Variants in PCBP3 observed in about 807,000 individuals in gnomAD.
PCBP3 encodes poly(rC) binding protein 3.
Under a neutral mutation model 52.7 loss-of-function variants are expected in PCBP3, and 25 were observed. The observed-to-expected ratio is 0.47, with a 90% CI of 0.35 to 0.66. The LOEUF is 0.66. Among genes scored for constraint, PCBP3 ranks in the 30% least tolerant of loss-of-function variants. The pLI is 0.01. For synonymous variants in PCBP3, 162 were observed against 183.0 expected, an observed-to-expected ratio of 0.89 and a Z score of 0.93; for missense variants, 391 against 490.3, an observed-to-expected ratio of 0.80 and a Z score of 1.91.
chr21:45,740,688 C>T (rs143380243), intron 3 of PCBP3, among the ~76,000 whole-genome samples: 3 of 149,878 alleles, frequency 2.0e-5, no homozygotes, highest in East Asian at 2.0e-4. Flanking sequence ...TGTACACATG[C>T]GTGTGTGTAT....
intron 9 of PCBP3, among the ~76,000 whole-genome samples, chr21:45,906,540 T>A (rs2096211919): frequency 6.6e-6 from 1 of 152,140 alleles, no homozygotes; most frequent in African/African-American, 2.4e-5. Context: ...TTTCGGGTCA[T>A]GTTTTGGTGG....
intron 9 of PCBP3, chr21:45,901,707 A>AAGTCAGAGAG (rs2096054561): frequency 7.6e-6 from 1 of 131,400 alleles, no homozygotes; most frequent in Non-Finnish European, 1.5e-5. Context: ...GAGAGAGAGG[A>AAGTCAGAGAG]AGACAGAGAG....
chr21:45,728,689 A>G (rs1034572950), intron 2 of PCBP3: 4 of 152,126 alleles, frequency 2.6e-5, no homozygotes, highest in African/African-American at 9.7e-5. Context: ...TCACCTGCAA[A>G]GTCATCTCGG....
At chr21:45,774,039 G>A (rs969531721) in intron 4 of PCBP3, among the ~76,000 whole-genome samples, 4 of 152,166 alleles carry the variant, frequency 2.6e-5, no homozygotes, top group African/African-American at 9.7e-5. Context: ...CACTATTGGT[G>A]TGTGGAAATG....
rs1223303393 is a variant in PCBP3 at position 45,942,350 on chromosome 21, C to T, written c.*644C>T. On this transcript the variant is annotated 3_prime_UTR_variant, in exon 18 of 18. Transcript: ENST00000681687. ...AGAGATGCCGCGTGCTGGGAAGGCT[C>T]TTGGGGTCCCCTGAGCGTCTTCCAG... 1.3e-5 allele frequency: 2 copies of T among 152,214 alleles called. No individual in the cohort carries two copies. Among genetic ancestry groups the T allele is most frequent in the Non-Finnish European group, 2.9e-5 (2 of 68,070 alleles). 9.4% of individuals were successfully genotyped at this position (152,214 alleles called of 1,614,324 possible). A position where few individuals can be genotyped will look rare whatever the true frequency, so the allele number is the denominator to read the frequency against.
At chr21:45,828,403 C>T (rs1569279328) in intron 4 of PCBP3, 1 of 152,224 alleles carries the variant, frequency 6.6e-6, no homozygotes. Context: ...CTCTGGAAAC[C>T]TGAGCCGAGA....
intron 4 of PCBP3, among the ~76,000 whole-genome samples, chr21:45,818,456 C>T (rs188889925): frequency 6.6e-6 from 1 of 152,332 alleles, no homozygotes; most frequent in East Asian, 1.9e-4. Flanking sequence ...CCCCCATGCG[C>T]TTCACGTACT....
At chr21:45,883,606 T>G (rs2095451059) in intron 5 of PCBP3, among the ~76,000 whole-genome samples, 1 of 152,254 alleles carries the variant, frequency 6.6e-6, no homozygotes, top group Non-Finnish European at 1.5e-5. Context: ...TATTGCTTAT[T>G]TAGACTCTTT....
At chr21:45,867,282 C>T (rs948560902) in intron 5 of PCBP3, among the ~76,000 whole-genome samples, 2 of 152,226 alleles carry the variant, frequency 1.3e-5, no homozygotes, top group Admixed American at 6.5e-5. Flanking sequence ...CAACATCGCT[C>T]GCAGGACAGC....
chr21:45,807,523 G>A (rs1335581732), intron 4 of PCBP3, among the ~76,000 whole-genome samples: 3 of 152,086 alleles, frequency 2.0e-5, no homozygotes, highest in African/African-American at 7.2e-5. Flanking sequence ...CACTGCTCAA[G>A]GAAATAAGAG....
At position 45,741,063 on chromosome 21, in the gene PCBP3, C is replaced by T. The variant is rs970882879; in HGVS notation, c.-162+5634C>T. On this transcript the variant is annotated intron_variant, in intron 3 of 17. Transcript: ENST00000681687. The surrounding 1 kb of genome is among the most constrained non-coding windows in gnomAD (Gnocchi z 4.5). ...AAGCAGGGCACGGGATGGCTTCACT[C>T]CAGCTCCTCCTTATTTGGCCCCAGA... Among the ~76,000 whole-genome samples the T allele has an allele frequency of 6.6e-6, 1 of 152,152 alleles. No homozygotes were observed. The highest frequency in any genetic ancestry group is 1.5e-5 in the Non-Finnish European group (1 of 68,032).
intron 4 of PCBP3, among the ~76,000 whole-genome samples, chr21:45,779,241 C>G (rs950390963): frequency 2.6e-5 from 4 of 152,200 alleles, no homozygotes; most frequent in African/African-American, 9.6e-5. Flanking sequence ...TGAAGCAGCT[C>G]TGTCCCACAG....
chr21:45,848,115 CACAA>C (rs2093855780), intron 4 of PCBP3: 1 of 152,204 alleles, frequency 6.6e-6, no homozygotes, highest in South Asian at 2.1e-4. Flanking sequence ...GGACAAAACG[CACAA>C]ACAAAGCAAG....
intron 4 of PCBP3, among the ~76,000 whole-genome samples, chr21:45,816,211 C>T (rs1231190244): frequency 1.3e-5 from 2 of 151,864 alleles, no homozygotes; most frequent in African/African-American, 2.4e-5. Flanking sequence ...GTACTGTACA[C>T]TTGGGATATG....
chr21:45,772,632 A>T (rs933385540), intron 4 of PCBP3, among the ~76,000 whole-genome samples: 2 of 152,082 alleles, frequency 1.3e-5, no homozygotes, highest in Non-Finnish European at 2.9e-5. Context: ...TTTTTTGAAA[A>T]ATCTCTGTAC....
At chr21:45,653,139 A>G (rs1365017129) in intron 1 of PCBP3, among the ~76,000 whole-genome samples, 1 of 152,236 alleles carries the variant, frequency 6.6e-6, no homozygotes, top group Non-Finnish European at 1.5e-5. Context: ...ATCCTTTGAA[A>G]TATGCTGATT....
chr21:45,923,803 G>A (rs963841038), intron 13 of PCBP3, among the ~76,000 whole-genome samples: 3 of 151,844 alleles, frequency 2.0e-5, no homozygotes, highest in Non-Finnish European at 4.4e-5. Context: ...AACAGCACAC[G>A]TAAGATCGGG....
intron 5 of PCBP3, among the ~76,000 whole-genome samples, chr21:45,887,942 T>C (rs2095560510): frequency 6.6e-6 from 1 of 152,222 alleles, no homozygotes; most frequent in Admixed American, 6.5e-5. Flanking sequence ...GGGCCGCCTT[T>C]CCCTGACCTG....
rs188111214 is a variant in PCBP3, at chr21:45,856,508, G to A, written c.10+6413G>A. 3.9e-4 allele frequency among the ~76,000 whole-genome samples: 59 copies of A among 152,330 alleles called. No individual in the cohort carries two copies. The East Asian group carries it at 8.1e-3, about 21-fold the overall frequency. ...TCATGGGTGCGGCTTCCCCATGAAC[G>A]GCCTGGGCCATCCCCTGGTGATGAC... On this transcript the variant is annotated intron_variant, in intron 5 of 17. Coordinates refer to ENST00000681687, the MANE Select transcript of PCBP3 (RefSeq NM_001384156.1).
Sources: allele counts gnomAD v4.1 joint callset (sites outside exome capture counted in the v4.1 genomes callset), GRCh38; gene constraint gnomAD v4.1.1; non-coding constraint Gnocchi (gnomAD v3.1); transcripts MANE v1.5; gene names NCBI Gene and HGNC (gene_info 2026-07-23, HGNC 2026-07-21).